The following TNF variants were observed in gnomAD, a reference collection of about 807,000 sequenced individuals.
TNF encodes tumor necrosis factor.
In TNF, 7 loss-of-function variants were observed where a neutral mutation model predicts 21.8. That is an observed-to-expected ratio of 0.32 (90% CI 0.18 to 0.60). The LOEUF (loss-of-function observed/expected upper bound fraction) is 0.60. Among genes scored for constraint, TNF ranks in the 20% least tolerant of loss-of-function variants. The probability of loss-of-function intolerance (pLI) is 0.84; values close to 1 mark genes in which losing one functional copy is unlikely to be tolerated. For synonymous variants in TNF, 123 were observed against 130.2 expected, an observed-to-expected ratio of 0.94 and a Z score of 0.38; for missense variants, 216 against 296.6, an observed-to-expected ratio of 0.73 and a Z score of 2.00.
In TNF at chr6:31,575,980, C is replaced by T. The variant is rs998453265; in HGVS notation, c.186+53C>T. 6.2e-5 allele frequency: 88 copies of T among 1,423,876 alleles called. No individual in the cohort carries two copies. Among genetic ancestry groups the T allele is most frequent in the African/African-American group, 1.6e-4 (11 of 68,032 alleles). 88.2% of individuals were successfully genotyped at this position (1,423,876 alleles called of 1,614,324 possible). A position where few individuals can be genotyped will look rare whatever the true frequency, so the allele number is the denominator to read the frequency against. ...TCTCCCACCCAAGGGGAAATGGAGA[C>T]GCAAGAGAGGGAGAGAGATGGGATG... On this transcript the variant is annotated intron_variant, in intron 1 of 3. Coordinates refer to ENST00000449264, the MANE Select transcript of TNF (RefSeq NM_000594.4). This position sits in a 1 kb window ranked among gnomAD's most constrained non-coding sequence, Gnocchi z 6.2.
At chr6:31,576,961 G>A in intron 3 of TNF, 147 bp downstream of exon 3, 1 of 1,335,274 alleles carries the variant, frequency 7.5e-7, no homozygotes, top group South Asian at 1.2e-5. Context: ...AGGCCTTAGT[G>A]GGATACTCAG....
chr6:31,577,593 C>A lies in TNF; in HGVS notation c.*56C>A, dbSNP rs575712826. 1 of 1,599,730 alleles carries A rather than the reference C, an allele frequency of 6.3e-7. No homozygotes were observed. The highest frequency in any genetic ancestry group is 8.5e-7 in the Non-Finnish European group (1 of 1,169,702). ...CTCCCCTGCCCCAATCCCTTTATTA[C>A]CCCCTCCTTCAGACACCCTCAACCT... is the stretch of plus-strand genomic sequence containing the variant. On this transcript the variant is annotated 3_prime_UTR_variant, in exon 4 of 4. Coordinates refer to ENST00000449264, the MANE Select transcript of TNF (RefSeq NM_000594.4). This position sits in a 1 kb window ranked among gnomAD's most constrained non-coding sequence, Gnocchi z 7.7.
intron 1 of TNF, 43 bp from the exon 2 acceptor site, chr6:31,576,491 G>A (rs1308984665): frequency 6.2e-7 from 1 of 1,603,540 alleles, no homozygotes; most frequent in Non-Finnish European, 8.5e-7. Flanking sequence ...CCTCCTTTAA[G>A]GGTGACTCCC....
In TNF at chr6:31,578,074, G is replaced by C. The variant is rs1771275696; in HGVS notation, c.*537G>C. ...TTTGGGAGACCGGGGTATCCTGGGG[G>C]ACCCAATGTAGGAGCTGCCTTGGCT... On this transcript the variant is annotated 3_prime_UTR_variant, in exon 4 of 4. Coordinates refer to ENST00000449264, the MANE Select transcript of TNF (RefSeq NM_000594.4). This position sits in a 1 kb window ranked among gnomAD's most constrained non-coding sequence, Gnocchi z 6.0. 1 of 152,352 alleles carries C rather than the reference G, an allele frequency of 6.6e-6. No homozygotes were observed. The allele number at this position is 152,352 out of a possible 1,614,324, so 9.4% of individuals were successfully genotyped here. A position where few individuals can be genotyped will look rare whatever the true frequency, so the allele number is the denominator to read the frequency against.
chr6:31,575,633 C>A lies in TNF; in HGVS notation c.-109C>A, dbSNP rs1351963824. 3.7e-5 allele frequency: 40 copies of A among 1,066,968 alleles called. No individual in the cohort carries two copies. Among genetic ancestry groups the A allele is most frequent in the Non-Finnish European group, 5.0e-5 (38 of 753,944 alleles). 66.1% of individuals were successfully genotyped at this position (1,066,968 alleles called of 1,614,324 possible). ...GGGAGAGAAGCAACTACAGACCCCC[C>A]CTGAAAACAACCCTCAGACGCCACA... is the stretch of plus-strand genomic sequence containing the variant. On this transcript the variant is annotated 5_prime_UTR_variant, in exon 1 of 4. Transcript: ENST00000449264. This position sits in a 1 kb window ranked among gnomAD's most constrained non-coding sequence, Gnocchi z 6.2.
At position 31,576,519 on chromosome 6, in the gene TNF, CCTT is replaced by C. The variant is rs1257052017; in HGVS notation, c.187-12_187-10del. On this transcript the variant is annotated splice_polypyrimidine_tract_variant and intron_variant, in intron 1 of 3. Coordinates refer to ENST00000449264, the MANE Select transcript of TNF (RefSeq NM_000594.4). Reference sequence around the variant, plus strand: ...TGACTCCCTCGATGTTAACCATTCTCCTTCTCCCCAACAGTTCCCCAGGGACCT... The same window carrying C: ...TGACTCCCTCGATGTTAACCATTCTCCTCCCCAACAGTTCCCCAGGGACCT... 6.2e-7 allele frequency: 1 copy of C among 1,613,342 alleles called. No individual in the cohort carries two copies. The highest frequency in any genetic ancestry group is 1.7e-5 in the Admixed American group (1 of 59,866).
chr6:31,577,768 C>T lies in TNF; in HGVS notation c.*231C>T. ...CAACCACTAAGAATTCAAACTGGGGCCTCCAGAACTCACTGGGGCCTACAG... is the reference window on the plus strand; with the variant it reads ...CAACCACTAAGAATTCAAACTGGGGTCTCCAGAACTCACTGGGGCCTACAG... On this transcript the variant is annotated 3_prime_UTR_variant, in exon 4 of 4. Coordinates refer to ENST00000449264, the MANE Select transcript of TNF (RefSeq NM_000594.4). The surrounding 1 kb of genome is among the most constrained non-coding windows in gnomAD (Gnocchi z 7.7). 1 of 618,368 alleles carries T rather than the reference C, an allele frequency of 1.6e-6. No individual in the cohort carries two copies. Among genetic ancestry groups the T allele is most frequent in the Non-Finnish European group, 2.9e-6 (1 of 347,132 alleles). 38.3% of individuals were successfully genotyped at this position (618,368 alleles called of 1,614,324 possible).
intron 1 of TNF, among the ~76,000 whole-genome samples, chr6:31,576,288 A>AAG (rs4645842): frequency 0.03 from 4,587 of 152,166 alleles, 89 homozygotes; most frequent in Middle Eastern, 0.054. Context: ...GTGAGACAGA[A>AAG]AGAGCGGGAA....
chr6:31,576,651 C>T (rs867719858), intron 2 of TNF, 72 bp downstream of exon 2: 3 of 1,585,770 alleles, frequency 1.9e-6, no homozygotes, highest in Middle Eastern at 1.7e-4. Context: ...GGTATGGAAG[C>T]AGTGGGGGAA....
rs772331441 is a variant in TNF at position 31,576,539 on chromosome 6, C to T, written c.192C>T (p.Pro64=). The T allele has an allele frequency of 5.0e-6, 8 of 1,613,724 alleles. No homozygotes were observed. The highest frequency in any genetic ancestry group is 1.3e-5 in the African/African-American group (1 of 74,874). ...ATTCTCCTTCTCCCCAACAGTTCCC[C>T]AGGGACCTCTCTCTAATCAGCCCTC... is the stretch of plus-strand genomic sequence containing the variant. ...GVIGPQREEF[P]RDLSLISPLA... The change falls in exon 2 of 4, where the codon CCC becomes CCT. Residue 64 remains proline (P), a synonymous_variant. Coordinates refer to ENST00000449264, the MANE Select transcript of TNF (RefSeq NM_000594.4).
rs780711335 is a variant in TNF, at chr6:31,577,480, C to A, written c.645C>A (p.Pro215=). The A allele has an allele frequency of 6.2e-7, 1 of 1,613,058 alleles. No individual in the cohort carries two copies. The highest frequency in any genetic ancestry group is 8.5e-7 in the Non-Finnish European group (1 of 1,180,026). The change falls in exon 4 of 4, where the codon CCC becomes CCA. Residue 215 remains proline (P), a synonymous_variant. Transcript: ENST00000449264. The surrounding 1 kb of genome is among the most constrained non-coding windows in gnomAD (Gnocchi z 7.7). ...GACTCAGCGCTGAGATCAATCGGCC[C>A]GACTATCTCGACTTTGCCGAGTCTG... The part of the protein sequence containing the change: ...GDRLSAEINR[P]DYLDFAESGQ...
chr6:31,577,679 C>A lies in TNF; in HGVS notation c.*142C>A. Reference sequence around the variant, plus strand: ...CGGAACCCAAGCTTAGAACTTTAAGCAACAAGACCACCACTTCGAAACCTG... The same window carrying A: ...CGGAACCCAAGCTTAGAACTTTAAGAAACAAGACCACCACTTCGAAACCTG... On this transcript the variant is annotated 3_prime_UTR_variant, in exon 4 of 4. Coordinates refer to ENST00000449264, the MANE Select transcript of TNF (RefSeq NM_000594.4). The surrounding 1 kb of genome is among the most constrained non-coding windows in gnomAD (Gnocchi z 7.7). The A allele has an allele frequency of 9.8e-7, 1 of 1,024,760 alleles. No individual in the cohort carries two copies. Among genetic ancestry groups the A allele is most frequent in the Non-Finnish European group, 1.5e-6 (1 of 679,276 alleles). The allele number at this position is 1,024,760 out of a possible 1,614,324, so 63.5% of individuals were successfully genotyped here.
In TNF at chr6:31,575,990, GGA is replaced by G; in HGVS notation, c.186+70_186+71del. The G allele has an allele frequency of 1.4e-5, 20 of 1,410,982 alleles. No homozygotes were observed. The highest frequency in any genetic ancestry group is 1.9e-5 in the Non-Finnish European group (20 of 1,071,512). The allele number at this position is 1,410,982 out of a possible 1,614,324, so 87.4% of individuals were successfully genotyped here. A position where few individuals can be genotyped will look rare whatever the true frequency, so the allele number is the denominator to read the frequency against. On this transcript the variant is annotated intron_variant, in intron 1 of 3. Coordinates refer to ENST00000449264, the MANE Select transcript of TNF (RefSeq NM_000594.4). This position sits in a 1 kb window ranked among gnomAD's most constrained non-coding sequence, Gnocchi z 6.2. ...AAGGGGAAATGGAGACGCAAGAGAGGGAGAGAGATGGGATGGGTGAAAGATGT... is the reference window on the plus strand; with the variant it reads ...AAGGGGAAATGGAGACGCAAGAGAGGGAGAGATGGGATGGGTGAAAGATGT...
Position 31,577,672 on chromosome 6 carries a change from C to T in TNF, c.*135C>T, listed in dbSNP as rs1398604432. The T allele has an allele frequency of 2.7e-6, 3 of 1,119,174 alleles. No homozygotes were observed. Among genetic ancestry groups the T allele is most frequent in the Admixed American group, 2.0e-5 (1 of 50,300 alleles). 69.3% of individuals were successfully genotyped at this position (1,119,174 alleles called of 1,614,324 possible). A position where few individuals can be genotyped will look rare whatever the true frequency, so the allele number is the denominator to read the frequency against. ...TTAGGGTCGGAACCCAAGCTTAGAACTTTAAGCAACAAGACCACCACTTCG... is the reference window on the plus strand; with the variant it reads ...TTAGGGTCGGAACCCAAGCTTAGAATTTTAAGCAACAAGACCACCACTTCG... On this transcript the variant is annotated 3_prime_UTR_variant, in exon 4 of 4. Transcript: ENST00000449264. This position sits in a 1 kb window ranked among gnomAD's most constrained non-coding sequence, Gnocchi z 7.7.
Position 31,577,179 on chromosome 6 carries a change from A to G in TNF, c.344A>G (p.Asn115Ser), listed in dbSNP as rs1391160979. ...LNRRANALLANGVELRDNQLV... is the reference protein window; with the variant it reads ...LNRRANALLASGVELRDNQLV... ...CGCCGGGCCAATGCCCTCCTGGCCA[A>G]TGGCGTGGAGCTGAGAGATAACCAG... The change falls in exon 4 of 4, where the codon AAT becomes AGT. Residue 115 changes from asparagine to serine, a missense_variant. Transcript: ENST00000449264. The surrounding 1 kb of genome is among the most constrained non-coding windows in gnomAD (Gnocchi z 7.7). 6.2e-7 allele frequency: 1 copy of G among 1,613,024 alleles called. No individual in the cohort carries two copies.
Position 31,575,944 on chromosome 6 carries a change from C to G in TNF, c.186+17C>G, listed in dbSNP as rs1771159949. ...AGGGAAGAGGTGAGTGCCTGGCCAG[C>G]CTTCATCCACTCTCCCACCCAAGGG... On this transcript the variant is annotated intron_variant, in intron 1 of 3. Coordinates refer to ENST00000449264, the MANE Select transcript of TNF (RefSeq NM_000594.4). This position sits in a 1 kb window ranked among gnomAD's most constrained non-coding sequence, Gnocchi z 6.2. The G allele has an allele frequency of 1.3e-6, 2 of 1,493,546 alleles. No individual in the cohort carries two copies. Among genetic ancestry groups the G allele is most frequent in the African/African-American group, 2.9e-5 (2 of 70,142 alleles). The allele number at this position is 1,493,546 out of a possible 1,614,324, so 92.5% of individuals were successfully genotyped here.
In TNF at chr6:31,577,075, T is replaced by C; in HGVS notation, c.281-41T>C. 6.4e-7 allele frequency: 1 copy of C among 1,565,280 alleles called. No homozygotes were observed. Among genetic ancestry groups the C allele is most frequent in the Non-Finnish European group, 8.6e-7 (1 of 1,157,664 alleles). Reference sequence around the variant, plus strand: ...CCAGGATGTGGAGAGTGAACCGACATGGCCACACTGACTCTCCTCTCCCTC... The same window carrying C: ...CCAGGATGTGGAGAGTGAACCGACACGGCCACACTGACTCTCCTCTCCCTC... On this transcript the variant is annotated intron_variant, in intron 3 of 3. Coordinates refer to ENST00000449264, the MANE Select transcript of TNF (RefSeq NM_000594.4). The surrounding 1 kb of genome is among the most constrained non-coding windows in gnomAD (Gnocchi z 7.7).
chr6:31,576,077 G>A, intron 1 of TNF, 150 bp downstream of exon 1: 1 of 809,828 alleles, frequency 1.2e-6, no homozygotes, highest in Non-Finnish European at 1.8e-6. Context: ...TGCAGAAAGA[G>A]ATGTGGCAAG....
chr6:31,575,598 C>A lies in TNF; in HGVS notation c.-144C>A. ...CTCCCTCAGCAAGGACAGCAGAGGA[C>A]CAGCTAAGAGGGAGAGAAGCAACTA... On this transcript the variant is annotated 5_prime_UTR_variant, in exon 1 of 4. Coordinates refer to ENST00000449264, the MANE Select transcript of TNF (RefSeq NM_000594.4). This position sits in a 1 kb window ranked among gnomAD's most constrained non-coding sequence, Gnocchi z 6.2. 2 of 735,420 alleles carry A rather than the reference C, an allele frequency of 2.7e-6. No homozygotes were observed. The highest frequency in any genetic ancestry group is 2.2e-6 in the Non-Finnish European group (1 of 456,204). The allele number at this position is 735,420 out of a possible 1,614,324, so 45.6% of individuals were successfully genotyped here.
Sources: gnomAD v4.1 joint callset for allele counts (sites outside exome capture counted in the v4.1 genomes callset) on GRCh38, gnomAD v4.1.1 for gene constraint, Gnocchi (gnomAD v3.1) non-coding constraint, MANE v1.5 for transcripts, NCBI Gene and HGNC (gene_info 2026-07-23, HGNC 2026-07-21) for gene names.